The following POF1B variants were observed in gnomAD, a reference collection of about 807,000 sequenced individuals.
POF1B encodes protein POF1B.
Under a neutral mutation model 55.3 loss-of-function variants are expected in POF1B, and 53 were observed. The ratio of observed to expected loss-of-function variants is 0.96; its 90% CI spans 0.77 to 1.20. The LOEUF (loss-of-function observed/expected upper bound fraction) is 1.20, where lower values mean the gene tolerates loss of function less well. Ranked by LOEUF, POF1B falls within the 50% of genes most tolerant of loss-of-function variation. The pLI is 0.00. For missense variants in POF1B, 478 were observed against 420.5 expected, an observed-to-expected ratio of 1.14 and a Z score of -1.20; for synonymous variants, 188 against 148.3, an observed-to-expected ratio of 1.27 and a Z score of -1.95.
At chrX:85,331,905 G>A (rs1322955384) in intron 6 of POF1B, among the ~76,000 whole-genome samples, 1 of 111,520 alleles carries the variant, frequency 9.0e-6, no homozygotes, top group African/African-American at 3.3e-5. Flanking sequence ...GCTTATCAAT[G>A]TTGCCTCAAA....
chrX:85,355,255 A>T (rs1233050388), intron 4 of POF1B, among the ~76,000 whole-genome samples: 3 of 111,954 alleles, frequency 2.7e-5, no homozygotes, highest in Non-Finnish European at 5.6e-5. Flanking sequence ...GGCTAGCCAT[A>T]TGTAGAAAGC....
intron 3 of POF1B, 34 bp from the exon 4 acceptor site, chrX:85,359,664 T>C (rs747648369): frequency 1.5e-5 from 15 of 1,031,123 alleles, no homozygotes; most frequent in Non-Finnish European, 2.0e-5. Flanking sequence ...GATATAATCA[T>C]AGTTATTTAA....
At chrX:85,345,735 C>T (rs1933255760) in intron 6 of POF1B, 125 bp downstream of exon 6, 1 of 624,758 alleles carries the variant, frequency 1.6e-6, no homozygotes, top group Non-Finnish European at 2.3e-6. Flanking sequence ...TGACAAGGCA[C>T]AAATACCAGT....
intron 7 of POF1B, among the ~76,000 whole-genome samples, chrX:85,327,816 C>T (rs991790033): frequency 2.1e-4 from 24 of 111,930 alleles, no homozygotes; most frequent in African/African-American, 7.8e-4. Flanking sequence ...GTATACATGT[C>T]CCTAGTCACT....
At chrX:85,332,003 C>A (rs953178328) in intron 6 of POF1B, among the ~76,000 whole-genome samples, 5 of 111,559 alleles carry the variant, frequency 4.5e-5, no homozygotes. Flanking sequence ...ATCCACTTAT[C>A]CATTGATGGA....
chrX:85,306,933 A>C (rs1398157098), intron 11 of POF1B, among the ~76,000 whole-genome samples: 3 of 112,029 alleles, frequency 2.7e-5, no homozygotes, highest in Admixed American at 1.9e-4. Flanking sequence ...CAACAAGACA[A>C]ATAATTGTGT....
chrX:85,372,343 CAA>C (rs35860898), intron 2 of POF1B, among the ~76,000 whole-genome samples: 51 of 64,437 alleles, frequency 7.9e-4, no homozygotes, highest in South Asian at 5.0e-3. Flanking sequence ...GACTCTGTCT[CAA>C]AAAAAAAAAA....
Position 85,355,258 on chromosome X carries a change from T to G in POF1B, c.439-3807A>C, listed in dbSNP as rs1017793306. ...GCTGGGAAAACTGGCTAGCCATATG[T>G]AGAAAGCTGAAACTGGATCCCTTCC... is the stretch of plus-strand genomic sequence containing the variant. On this transcript the variant is annotated intron_variant, in intron 4 of 16. Transcript: ENST00000262753. Among the ~76,000 whole-genome samples the G allele has an allele frequency of 1.1e-4, 12 of 111,777 alleles. 1 individual carries two copies. Among genetic ancestry groups the G allele is most frequent in the Admixed American group, 3.8e-4 (4 of 10,514 alleles).
intron 2 of POF1B, among the ~76,000 whole-genome samples, chrX:85,371,529 G>T (rs1166262734): frequency 1.8e-5 from 2 of 111,184 alleles, no homozygotes; most frequent in Non-Finnish European, 3.8e-5. Flanking sequence ...TAATGCTAAG[G>T]TGCTGGAATT....
intron 3 of POF1B, 57 bp downstream of exon 3, chrX:85,367,635 G>A (rs767709161): frequency 1.1e-6 from 1 of 893,521 alleles, no homozygotes; most frequent in East Asian, 3.2e-5. Context: ...CATACATGAA[G>A]AAGACTTCCA....
chrX:85,300,688 G>GA (rs1218105214), intron 15 of POF1B, among the ~76,000 whole-genome samples: 1 of 111,672 alleles, frequency 9.0e-6, no homozygotes, highest in East Asian at 2.8e-4. Context: ...GCCTATCATG[G>GA]AAAAAATCAC....
chrX:85,336,839 G>A (rs989546580), intron 6 of POF1B, among the ~76,000 whole-genome samples: 1 of 111,346 alleles, frequency 9.0e-6, no homozygotes, highest in African/African-American at 3.3e-5. Context: ...GGTTGTTTGT[G>A]CTTCTGGGTT....
intron 4 of POF1B, among the ~76,000 whole-genome samples, chrX:85,357,859 T>A (rs1276017463): frequency 9.0e-6 from 1 of 111,344 alleles, no homozygotes; most frequent in Non-Finnish European, 1.9e-5. Context: ...AGTCGTTTTT[T>A]AACTGCCTGT....
intron 15 of POF1B, among the ~76,000 whole-genome samples, chrX:85,302,312 A>G (rs779146660): frequency 5.4e-5 from 6 of 111,661 alleles, no homozygotes; most frequent in Non-Finnish European, 9.4e-5. Flanking sequence ...AACAAGATGT[A>G]TAAATGGCCA....
chrX:85,354,748 A>G (rs770971197), intron 4 of POF1B, among the ~76,000 whole-genome samples: 1 of 110,965 alleles, frequency 9.0e-6, no homozygotes, highest in South Asian at 3.8e-4. Context: ...TCCAACTTAC[A>G]AGGGACGTGA....
At chrX:85,332,091 T>C (rs1228385630) in intron 6 of POF1B, among the ~76,000 whole-genome samples, 1 of 111,823 alleles carries the variant, frequency 8.9e-6, no homozygotes, top group Non-Finnish European at 1.9e-5. Flanking sequence ...ATCTTTGACA[T>C]ACTGATTTTT....
chrX:85,345,777 T>G, intron 6 of POF1B, 83 bp downstream of exon 6: 2 of 884,860 alleles, frequency 2.3e-6, no homozygotes, highest in East Asian at 3.5e-5. Context: ...GATGAAAATT[T>G]AATGGGAGCA....
At chrX:85,294,078 T>C (rs1932256431) in intron 15 of POF1B, among the ~76,000 whole-genome samples, 1 of 112,356 alleles carries the variant, frequency 8.9e-6, no homozygotes, top group Non-Finnish European at 1.9e-5. Flanking sequence ...AGTTTTGTAT[T>C]CTGAAACTTT....
At position 85,308,210 on chromosome X, in the gene POF1B, C is replaced by A; in HGVS notation, c.964G>T (p.Gly322Cys). 1 of 1,130,149 alleles carries A rather than the reference C, an allele frequency of 8.8e-7. No homozygotes were observed. Among genetic ancestry groups the A allele is most frequent in the Non-Finnish European group, 1.2e-6 (1 of 842,745 alleles). 93.1% of individuals were successfully genotyped at this position (1,130,149 alleles called of 1,213,427 possible). ...AGTCGGAGTGACTTATCAGACATAC[C>A]CCTCATCTGCAGGAAGAAAGGATTA... ...QQIRYILQMR[G>C]MSDKSLRLVL... The change falls in exon 10 of 17, where the codon GGT becomes TGT. Residue 322 changes from glycine (G) to cysteine (C), a missense_variant. Gly to Cys is a radical substitution (Grantham distance 159). Coordinates refer to ENST00000262753, the MANE Select transcript of POF1B (RefSeq NM_024921.4).
Sources: allele counts gnomAD v4.1 joint callset (sites outside exome capture counted in the v4.1 genomes callset), GRCh38; gene constraint gnomAD v4.1.1; transcripts MANE v1.5; gene names NCBI Gene and HGNC (gene_info 2026-07-23, HGNC 2026-07-21).